The following SLC44A4 variants were observed in gnomAD, a reference collection of about 807,000 sequenced individuals.
SLC44A4 encodes choline transporter-like protein 4.
SLC44A4 carries 74 observed loss-of-function variants against 97.0 expected under a neutral mutation model. That is an observed-to-expected ratio of 0.76 (90% CI 0.63 to 0.93). SLC44A4 has a LOEUF of 0.93. Among genes scored for constraint, SLC44A4 ranks in the 40% least tolerant of loss-of-function variants. The pLI, the probability that SLC44A4 is intolerant of heterozygous loss-of-function variation, is 0.00. For missense variants in SLC44A4, 799 were observed against 902.9 expected, an observed-to-expected ratio of 0.88 and a Z score of 1.48; for synonymous variants, 325 against 363.8, an observed-to-expected ratio of 0.89 and a Z score of 1.21.
chr6:31,865,379 A>C lies in SLC44A4; in HGVS notation c.1696T>G (p.Tyr566Asp), dbSNP rs749118738. 1 of 1,614,084 alleles carries C rather than the reference A, an allele frequency of 6.2e-7. No homozygotes were observed. Among genetic ancestry groups the C allele is most frequent in the South Asian group, 1.1e-5 (1 of 91,082 alleles). Residue 566 changes from tyrosine to aspartate, a missense_variant, in exon 17 of 21, where the codon TAC (tyrosine) becomes GAC (aspartate). Tyr to Asp is a radical substitution (Grantham distance 160). Transcript: ENST00000229729. This position sits in a 1 kb window ranked among gnomAD's most constrained non-coding sequence, Gnocchi z 5.2. ...NRNAYIMIAI[Y>D]GKNFCVSAKN... ...GCTGAGACACAGAAATTCTTCCCGTAGATGGCGATCTGAGGGAGGTGGAAA... is the reference window on the plus strand; with the variant it reads ...GCTGAGACACAGAAATTCTTCCCGTCGATGGCGATCTGAGGGAGGTGGAAA...
In SLC44A4 at chr6:31,878,275, C is replaced by T. The variant is rs1763562146; in HGVS notation, c.40+666G>A. ...CAGAGTACCCCAAGACCAGCTCCTG[C>T]TCCTAGCTCCTCACAGAGACCCCTA... On this transcript the variant is annotated intron_variant, in intron 1 of 20. Coordinates refer to ENST00000229729, the MANE Select transcript of SLC44A4 (RefSeq NM_025257.3). This position sits in a 1 kb window ranked among gnomAD's most constrained non-coding sequence, Gnocchi z 4.0. Among the ~76,000 whole-genome samples the T allele has an allele frequency of 6.6e-6, 1 of 151,980 alleles. No individual in the cohort carries two copies. Among genetic ancestry groups the T allele is most frequent in the East Asian group, 1.9e-4 (1 of 5,178 alleles).
Position 31,864,873 on chromosome 6 carries a change from C to G in SLC44A4, c.1869G>C (p.Pro623=). 6.2e-7 allele frequency: 1 copy of G among 1,614,012 alleles called. No homozygotes were observed. The highest frequency in any genetic ancestry group is 8.5e-7 in the Non-Finnish European group (1 of 1,179,998). Residue 623 remains proline, a synonymous_variant, in exon 19 of 21, where the codon CCG becomes CCC. Coordinates refer to ENST00000229729, the MANE Select transcript of SLC44A4 (RefSeq NM_025257.3). ...LSFFFFSGRI[P]GLGKDFKSPH... ...GGCTCTTAAAGTCTTTACCCAGCCC[C>G]GGGATGCGACCGGAGAAAAAAAAGA...
chr6:31,875,093 C>T (rs1763377168), intron 4 of SLC44A4, 65 bp from the exon 5 acceptor site: 1 of 1,305,960 alleles, frequency 7.7e-7, no homozygotes, highest in Non-Finnish European at 1.1e-6. Flanking sequence ...GGAGGGACCA[C>T]TAGGGTGGCT....
At chr6:31,870,571 C>T in intron 11 of SLC44A4, 32 bp downstream of exon 11, 2 of 1,547,818 alleles carry the variant, frequency 1.3e-6, no homozygotes, top group Admixed American at 1.9e-5. Context: ...ACGCTGTCCT[C>T]AACCCCATCT....
chr6:31,871,856 C>T (rs1380401648), intron 7 of SLC44A4, among the ~76,000 whole-genome samples: 1 of 152,066 alleles, frequency 6.6e-6, no homozygotes, highest in Non-Finnish European at 1.5e-5. Flanking sequence ...CCAGGGAGAC[C>T]GTGGCACTGC....
chr6:31,870,521 C>T (rs1256602846), intron 11 of SLC44A4, 82 bp downstream of exon 11: 3 of 1,146,402 alleles, frequency 2.6e-6, no homozygotes, highest in Non-Finnish European at 3.8e-6. Context: ...TCCCTGCCAC[C>T]TCTCTAGCAC....
rs1320667189 is a variant in SLC44A4, at chr6:31,869,184, C to T, written c.1204G>A (p.Val402Met). The T allele has an allele frequency of 6.2e-7, 1 of 1,610,544 alleles. No homozygotes were observed. The highest frequency in any genetic ancestry group is 8.5e-7 in the Non-Finnish European group (1 of 1,178,942). The change falls in exon 13 of 21, where the codon GTG (valine) becomes ATG (methionine). Residue 402 changes from valine (V) to methionine (M), a missense_variant. By Grantham distance (21) the Val-to-Met change is conservative. Transcript: ENST00000229729. Reference sequence around the variant, plus strand: ...GGGTTGCATGATGTATTTATTGGCACTTTCTCACAGCCGGGGGAGCTGATG... The same window carrying T: ...GGGTTGCATGATGTATTTATTGGCATTTTCTCACAGCCGGGGGAGCTGATG... ...SNISSPGCEKVPINTSCNPTA... is the reference protein window; with the variant it reads ...SNISSPGCEKMPINTSCNPTA...
intron 8 of SLC44A4, 21 bp from the exon 9 acceptor site, chr6:31,871,418 G>A: frequency 1.2e-6 from 2 of 1,613,834 alleles, no homozygotes; most frequent in Middle Eastern, 1.6e-4. Context: ...GACAGAGTCA[G>A]ATGGGGCTGT....
In SLC44A4 at chr6:31,865,827, T is replaced by C; in HGVS notation, c.1488-43A>G. Reference sequence around the variant, plus strand: ...CAGTCAGAGACAGCTCCAGGACCCCTGGGGCCCCCGTGCCTACAATGACCA... The same window carrying C: ...CAGTCAGAGACAGCTCCAGGACCCCCGGGGCCCCCGTGCCTACAATGACCA... On this transcript the variant is annotated intron_variant, in intron 14 of 20. Transcript: ENST00000229729. This position sits in a 1 kb window ranked among gnomAD's most constrained non-coding sequence, Gnocchi z 5.2. 1.9e-6 allele frequency: 3 copies of C among 1,613,866 alleles called. No individual in the cohort carries two copies. Among genetic ancestry groups the C allele is most frequent in the Non-Finnish European group, 2.5e-6 (3 of 1,179,852 alleles).
intron 11 of SLC44A4, among the ~76,000 whole-genome samples, chr6:31,869,859 C>A (rs1763061330): frequency 6.6e-6 from 1 of 152,178 alleles, no homozygotes; most frequent in South Asian, 2.1e-4. Flanking sequence ...GTGGCGGGCG[C>A]CTGTAGTGCC....
At chr6:31,868,606 G>A (rs1052073425) in intron 13 of SLC44A4, among the ~76,000 whole-genome samples, 4 of 152,082 alleles carry the variant, frequency 2.6e-5, no homozygotes, top group Non-Finnish European at 4.4e-5. Flanking sequence ...AGACCAGCCC[G>A]GGTAACACAG....
chr6:31,864,847 G>A lies in SLC44A4; in HGVS notation c.1895C>T (p.Pro632Leu). 6.2e-7 allele frequency: 1 copy of A among 1,614,050 alleles called. No individual in the cohort carries two copies. The highest frequency in any genetic ancestry group is 1.1e-5 in the South Asian group (1 of 91,084). ...IPGLGKDFKS[P>L]HLNYYWLPIM... is the part of the protein sequence containing the mutation. ...GGGCAGCCAGTAATAGTTGAGGTGG[G>A]GGCTCTTAAAGTCTTTACCCAGCCC... Residue 632 changes from proline to leucine, a missense_variant, in exon 19 of 21, where the codon CCC (proline) becomes CTC (leucine). Coordinates refer to ENST00000229729, the MANE Select transcript of SLC44A4 (RefSeq NM_025257.3).
In SLC44A4 at chr6:31,878,023, G is replaced by T. The variant is rs181523008; in HGVS notation, c.40+918C>A. On this transcript the variant is annotated intron_variant, in intron 1 of 20. Coordinates refer to ENST00000229729, the MANE Select transcript of SLC44A4 (RefSeq NM_025257.3). The surrounding 1 kb of genome is among the most constrained non-coding windows in gnomAD (Gnocchi z 4.0). Reference sequence around the variant, plus strand: ...GGGACTCAAGCCTCTCCTCGAGAAGGTCCCTCATAGGGGTTCCTTCCCCTT... The same window carrying T: ...GGGACTCAAGCCTCTCCTCGAGAAGTTCCCTCATAGGGGTTCCTTCCCCTT... 4 of 152,200 alleles carry T rather than the reference G, an allele frequency of 2.6e-5. No individual in the cohort carries two copies. Among genetic ancestry groups the T allele is most frequent in the African/African-American group, 9.6e-5 (4 of 41,482 alleles). The allele number at this position is 152,200 out of a possible 1,614,324, so 9.4% of individuals were successfully genotyped here.
At chr6:31,875,418 T>C (rs1763391414) in intron 4 of SLC44A4, among the ~76,000 whole-genome samples, 2 of 152,230 alleles carry the variant, frequency 1.3e-5, no homozygotes, top group South Asian at 2.1e-4. Context: ...GTAAATGCTA[T>C]ATAAATATTT....
chr6:31,873,343 C>A (rs1426705177), intron 7 of SLC44A4, among the ~76,000 whole-genome samples: 5 of 151,818 alleles, frequency 3.3e-5, no homozygotes, highest in Admixed American at 6.6e-5. Flanking sequence ...CCACCACGCC[C>A]AGCTAAGTTT....
Position 31,876,622 on chromosome 6 carries a change from C to T in SLC44A4, c.89+412G>A, listed in dbSNP as rs1476979222. ...GGTGTGATGGTGCATGCCTGTAGTC[C>T]CAGCTACTCGGAAGGCTAGGGCAGG... is the stretch of plus-strand genomic sequence containing the variant. On this transcript the variant is annotated intron_variant, in intron 2 of 20. Transcript: ENST00000229729. This position sits in a 1 kb window ranked among gnomAD's most constrained non-coding sequence, Gnocchi z 4.8. Among the ~76,000 whole-genome samples, 1 of 152,048 alleles carries T rather than the reference C, an allele frequency of 6.6e-6. No homozygotes were observed. Among genetic ancestry groups the T allele is most frequent in the Non-Finnish European group, 1.5e-5 (1 of 68,008 alleles).
chr6:31,874,633 C>A lies in SLC44A4; in HGVS notation c.468+88G>T. The A allele has an allele frequency of 6.4e-7, 1 of 1,561,290 alleles. No individual in the cohort carries two copies. Among genetic ancestry groups the A allele is most frequent in the South Asian group, 1.2e-5 (1 of 80,896 alleles). Reference sequence around the variant, plus strand: ...TCCCACACTCCCCAGGAGAGCCAACCTGGTGATGATCTACCCAACTCCCCC... The same window carrying A: ...TCCCACACTCCCCAGGAGAGCCAACATGGTGATGATCTACCCAACTCCCCC... On this transcript the variant is annotated intron_variant, in intron 6 of 20. Coordinates refer to ENST00000229729, the MANE Select transcript of SLC44A4 (RefSeq NM_025257.3). The surrounding 1 kb of genome is among the most constrained non-coding windows in gnomAD (Gnocchi z 4.8).
At position 31,865,377 on chromosome 6, in the gene SLC44A4, G is replaced by A. The variant is rs145759335; in HGVS notation, c.1698C>T (p.Tyr566=). 138 of 1,613,868 alleles carry A rather than the reference G, an allele frequency of 8.6e-5. No individual in the cohort carries two copies. The highest frequency in any genetic ancestry group is 1.1e-4 in the Non-Finnish European group (132 of 1,179,972). ...NRNAYIMIAI[Y]GKNFCVSAKN... ...TGGCTGAGACACAGAAATTCTTCCC[G>A]TAGATGGCGATCTGAGGGAGGTGGA... Residue 566 remains tyrosine, a synonymous_variant, in exon 17 of 21, where the codon TAC becomes TAT. Transcript: ENST00000229729. This position sits in a 1 kb window ranked among gnomAD's most constrained non-coding sequence, Gnocchi z 5.2.
chr6:31,870,072 A>AT (rs1036420961), intron 11 of SLC44A4, among the ~76,000 whole-genome samples: 1 of 152,006 alleles, frequency 6.6e-6, no homozygotes, highest in Non-Finnish European at 1.5e-5. Flanking sequence ...GGTTAGTGAC[A>AT]TTGTCTTTCA....
Sources: gnomAD v4.1 joint callset for allele counts (sites outside exome capture counted in the v4.1 genomes callset) on GRCh38, gnomAD v4.1.1 for gene constraint, Gnocchi (gnomAD v3.1) non-coding constraint, MANE v1.5 for transcripts, NCBI Gene and HGNC (gene_info 2026-07-23, HGNC 2026-07-21) for gene names.